MGAM: variants seen among roughly 807,000 people sequenced by gnomAD.
The protein encoded by MGAM is maltase-glucoamylase, also known as alpha-1,4-glucosidase.
Under a neutral mutation model 358.8 loss-of-function variants are expected in MGAM, and 253 were observed. That is an observed-to-expected ratio of 0.71 (90% CI 0.64 to 0.78). MGAM has a LOEUF of 0.78. MGAM is among the 30% of genes least tolerant of loss of function. MGAM has a pLI of 0.00. For synonymous variants in MGAM, 1,105 were observed against 1,227.1 expected, an observed-to-expected ratio of 0.90 and a Z score of 2.08; for missense variants, 3,080 against 3,432.6, an observed-to-expected ratio of 0.90 and a Z score of 2.57.
At chr7:142,014,819 C>T (rs1234765282) in intron 3 of MGAM, among the ~76,000 whole-genome samples, 1 of 152,034 alleles carries the variant, frequency 6.6e-6, no homozygotes, top group African/African-American at 2.4e-5. Context: ...AACTGGTACA[C>T]AATTGTATAA....
At chr7:142,024,636 A>G (rs1219424490) in intron 7 of MGAM, among the ~76,000 whole-genome samples, 2 of 152,150 alleles carry the variant, frequency 1.3e-5, no homozygotes, top group Non-Finnish European at 2.9e-5. Flanking sequence ...CCTGTTCTGG[A>G]GTCTCAAAGA....
chr7:142,045,470 A>T (rs1327369526), intron 21 of MGAM, among the ~76,000 whole-genome samples: 2 of 111,890 alleles, frequency 1.8e-5, no homozygotes, highest in African/African-American at 7.5e-5. Flanking sequence ...TATATTATAT[A>T]TATTATATAT....
At chr7:142,030,326 CTAGG>C in intron 10 of MGAM, 32 bp from the exon 11 acceptor site, 1 of 1,601,696 alleles carries the variant, frequency 6.2e-7, no homozygotes, top group African/African-American at 1.3e-5. Flanking sequence ...ATGGAAATTC[CTAGG>C]TGCTAATTGT....
chr7:142,094,557 A>G lies in MGAM; in HGVS notation c.7306+60A>G, dbSNP rs1446685528. 11 of 1,557,032 alleles carry G rather than the reference A, an allele frequency of 7.1e-6. No individual in the cohort carries two copies. The East Asian group carries it at 2.5e-4, about 35-fold the overall frequency. On this transcript the variant is annotated intron_variant, in intron 61 of 70. Coordinates refer to ENST00000475668, the MANE Select transcript of MGAM (RefSeq NM_001365693.1). ...GGCAGGGAGTTGGGATCCTTGGGGAAGAGGTGAGGAGGCAGGTCGTGAGAG... is the reference window on the plus strand; with the variant it reads ...GGCAGGGAGTTGGGATCCTTGGGGAGGAGGTGAGGAGGCAGGTCGTGAGAG...
chr7:141,999,932 C>T (rs1375551971), intron 1 of MGAM, among the ~76,000 whole-genome samples: 1 of 151,944 alleles, frequency 6.6e-6, no homozygotes, highest in Non-Finnish European at 1.5e-5. Flanking sequence ...GGAAATCTTT[C>T]TCTTGTATAG....
chr7:142,038,432 A>G lies in MGAM; in HGVS notation c.2232-99A>G, dbSNP rs533757480. ...TAATTTGGGGGGTTTGCCTGGGCAG[A>G]CGGCCTGCATGCTTTCAACAGGTTG... On this transcript the variant is annotated intron_variant, in intron 18 of 70. Coordinates refer to ENST00000475668, the MANE Select transcript of MGAM (RefSeq NM_001365693.1). 1.3e-4 allele frequency: 117 copies of G among 898,148 alleles called. 3 individuals carry two copies. The South Asian group carries it at 1.9e-3, about 14-fold the overall frequency. 55.6% of individuals were successfully genotyped at this position (898,148 alleles called of 1,614,324 possible). A position where few individuals can be genotyped will look rare whatever the true frequency, so the allele number is the denominator to read the frequency against.
intron 53 of MGAM, among the ~76,000 whole-genome samples, chr7:142,083,925 C>CGGGGTGGTGTGAAGAATATGGTGGTGGT (rs1814549019): frequency 7.1e-6 from 1 of 141,072 alleles, no homozygotes. Flanking sequence ...GTGGTGGTGA[C>CGGGGTGGTGTGAAGAATATGGTGGTGGT]AGTGGGGTGG....
At chr7:142,013,064 C>T (rs942379977) in intron 3 of MGAM, among the ~76,000 whole-genome samples, 1 of 152,170 alleles carries the variant, frequency 6.6e-6, no homozygotes. Context: ...GACTCCACCT[C>T]TTGACACAAA....
rs1359871362 is a variant in MGAM at position 142,052,993 on chromosome 7, A to C, written c.3159+9A>C. On this transcript the variant is annotated intron_variant, in intron 26 of 70. Coordinates refer to ENST00000475668, the MANE Select transcript of MGAM (RefSeq NM_001365693.1). The stretch of plus-strand genomic sequence containing the variant: ...AAATGCTGCAGTTCAAGGTAAACAC[A>C]GTACATGTATCAGGTAGTGATTAGA... The C allele has an allele frequency of 6.2e-7, 1 of 1,613,038 alleles. No individual in the cohort carries two copies. Among genetic ancestry groups the C allele is most frequent in the South Asian group, 1.1e-5 (1 of 91,054 alleles).
At chr7:142,069,531 G>A (rs1000469022) in intron 43 of MGAM, among the ~76,000 whole-genome samples, 2 of 145,674 alleles carry the variant, frequency 1.4e-5, no homozygotes, top group Non-Finnish European at 3.1e-5. Context: ...GTACAAGCAG[G>A]GATACAGGAA....
chr7:142,027,660 C>T lies in MGAM; in HGVS notation c.1146C>T (p.Leu382=), dbSNP rs1807097502. The T allele has an allele frequency of 6.2e-7, 1 of 1,613,688 alleles. No homozygotes were observed. ...CCTACTGGGCGCTTGGATTTCACCT[C>T]AGTCGTTACGAATATGGAACCTTAG... ...LPSYWALGFH[L]SRYEYGTLDN... The change falls in exon 10 of 71, where the codon CTC becomes CTT. Residue 382 remains leucine (L), a synonymous_variant. Coordinates refer to ENST00000475668, the MANE Select transcript of MGAM (RefSeq NM_001365693.1).
chr7:142,074,585 C>T lies in MGAM; in HGVS notation c.5275+412C>T, dbSNP rs555940275. 1.2e-4 allele frequency among the ~76,000 whole-genome samples: 17 copies of T among 146,050 alleles called. 6 individuals carry two copies. The highest frequency in any genetic ancestry group is 2.6e-4 in the Non-Finnish European group (17 of 64,530). On this transcript the variant is annotated intron_variant, in intron 45 of 70. Coordinates refer to ENST00000475668, the MANE Select transcript of MGAM (RefSeq NM_001365693.1). ...CTGTTCTAGTGTGTACTCAGCTAGC[C>T]ATACGTTTTAGCATATTTGTGGGTC...
At position 142,106,081 on chromosome 7, in the gene MGAM, G is replaced by C; in HGVS notation, c.*190G>C. 1 of 505,320 alleles carries C rather than the reference G, an allele frequency of 2.0e-6. No homozygotes were observed. Among genetic ancestry groups the C allele is most frequent in the South Asian group, 2.1e-5 (1 of 47,278 alleles). 31.3% of individuals were successfully genotyped at this position (505,320 alleles called of 1,614,324 possible). A position where few individuals can be genotyped will look rare whatever the true frequency, so the allele number is the denominator to read the frequency against. ...CTTAGCCCTGTGGGATAGGCAGTTA[G>C]GGAGGTGTGGAAAATCTATGCATTA... is the stretch of plus-strand genomic sequence containing the variant. On this transcript the variant is annotated 3_prime_UTR_variant, in exon 71 of 71. Transcript: ENST00000475668.
chr7:142,012,357 G>A (rs868924123), intron 3 of MGAM, among the ~76,000 whole-genome samples: 16 of 152,108 alleles, frequency 1.1e-4, no homozygotes, highest in African/African-American at 3.1e-4. Context: ...ATGGCAGCAC[G>A]TAGACAGCAA....
At chr7:142,058,582 C>T (rs1811791052) in intron 31 of MGAM, among the ~76,000 whole-genome samples, 1 of 152,190 alleles carries the variant, frequency 6.6e-6, no homozygotes, top group African/African-American at 2.4e-5. Flanking sequence ...TTCTGCTCTC[C>T]CGTGCTTCCT....
Position 142,076,646 on chromosome 7 carries a change from A to G in MGAM, c.5326-13A>G. 1 of 1,518,890 alleles carries G rather than the reference A, an allele frequency of 6.6e-7. No individual in the cohort carries two copies. The highest frequency in any genetic ancestry group is 9.1e-7 in the Non-Finnish European group (1 of 1,102,766). 94.1% of individuals were successfully genotyped at this position (1,518,890 alleles called of 1,614,324 possible). ...CATACCTTTATGCATAATTGGAGTT[A>G]ATTGTTTTGCAGAACCACTTGGAGG... On this transcript the variant is annotated splice_polypyrimidine_tract_variant and intron_variant, in intron 46 of 70. Transcript: ENST00000475668.
chr7:142,050,150 G>T (rs551598971), intron 22 of MGAM, 85 bp from the exon 23 acceptor site: 40 of 1,318,458 alleles, frequency 3.0e-5, no homozygotes, highest in South Asian at 1.4e-4. Flanking sequence ...TGACCTCAAG[G>T]CATAGCTGAA....
intron 21 of MGAM, among the ~76,000 whole-genome samples, chr7:142,043,126 T>G (rs1374955521): frequency 3.8e-5 from 1 of 26,566 alleles, no homozygotes; most frequent in African/African-American, 2.0e-4. Flanking sequence ...ATATAATATA[T>G]ATATTATATA....
At chr7:142,091,083 C>G (rs1815338639) in intron 57 of MGAM, among the ~76,000 whole-genome samples, 1 of 144,478 alleles carries the variant, frequency 6.9e-6, no homozygotes, top group Non-Finnish European at 1.6e-5. Flanking sequence ...TACGTCTCTA[C>G]TAGAAATACA....
Sources: allele counts gnomAD v4.1 joint callset (sites outside exome capture counted in the v4.1 genomes callset), GRCh38; gene constraint gnomAD v4.1.1; transcripts MANE v1.5; gene names NCBI Gene and HGNC (gene_info 2026-07-23, HGNC 2026-07-21).